Variants in DHX36 observed in about 807,000 individuals in gnomAD.
The protein encoded by DHX36 is DEAH-box helicase 36, also known as ATP-dependent DNA/RNA helicase DHX36.
DHX36 carries 50 observed loss-of-function variants against 139.0 expected under a neutral mutation model. The observed-to-expected ratio is 0.36, with a 90% CI of 0.29 to 0.46. The LOEUF is 0.46. Ranked by LOEUF, DHX36 falls within the 20% of genes least tolerant of loss-of-function variation. The probability of loss-of-function intolerance (pLI) is 1.00; values close to 1 mark genes in which losing one functional copy is unlikely to be tolerated. For missense variants in DHX36, 1,024 were observed against 1,211.3 expected, an observed-to-expected ratio of 0.85 and a Z score of 2.29; for synonymous variants, 425 against 401.9, an observed-to-expected ratio of 1.06 and a Z score of -0.69.
intron 12 of DHX36, among the ~76,000 whole-genome samples, chr3:154,296,502 C>A (rs1712056290): frequency 6.9e-6 from 1 of 145,318 alleles, no homozygotes; most frequent in Non-Finnish European, 1.6e-5. Context: ...AATAATAATA[C>A]ATTCCAAAAG....
intron 1 of DHX36, among the ~76,000 whole-genome samples, chr3:154,320,403 C>T (rs1432818541): frequency 6.6e-6 from 1 of 151,540 alleles, no homozygotes; most frequent in African/African-American, 2.4e-5. Context: ...GATTCCTATG[C>T]ACATTCAAGT....
intron 16 of DHX36, 86 bp downstream of exon 16, chr3:154,289,623 G>C (rs1711702400): frequency 2.6e-6 from 2 of 777,982 alleles, no homozygotes; most frequent in Non-Finnish European, 4.3e-6. Context: ...TTGTTTCTTG[G>C]AGATTAATAC....
At position 154,280,612 on chromosome 3, in the gene DHX36, T is replaced by C; in HGVS notation, c.2534A>G (p.Lys845Arg). The C allele has an allele frequency of 6.2e-7, 1 of 1,612,834 alleles. No individual in the cohort carries two copies. The highest frequency in any genetic ancestry group is 8.5e-7 in the Non-Finnish European group (1 of 1,179,576). Residue 845 changes from lysine (K) to arginine (R), a missense_variant, in exon 22 of 25, where the codon AAA (lysine) becomes AGA (arginine). By Grantham distance (26) the Lys-to-Arg change is conservative. Around this residue, in one of 4 missense-constraint regions of DHX36, gnomAD observed 470 missense variants for 616.2 expected, o/e 0.76. Coordinates refer to ENST00000496811, the MANE Select transcript of DHX36 (RefSeq NM_020865.3). ...TTTTTTACCCAAATTTAGTCGAATT[T>C]TAGCAACTTTGGGATATAAACCAGC... ...ICAGLYPKVA[K>R]IRLNLGKKRK...
chr3:154,308,196 A>G (rs1228866164), intron 5 of DHX36, among the ~76,000 whole-genome samples: 6 of 152,170 alleles, frequency 3.9e-5, no homozygotes, highest in Non-Finnish European at 5.9e-5. Context: ...ACAAAATTGC[A>G]CTTGTATCCC....
chr3:154,280,744 A>T lies in DHX36; in HGVS notation c.2476+19T>A. On this transcript the variant is annotated intron_variant, in intron 21 of 24. Transcript: ENST00000496811. Reference sequence around the variant, plus strand: ...CAATAGACAAAAGATACTTATTTACACTGTGTTTCCTGCTGTACCTGAATT... The same window carrying T: ...CAATAGACAAAAGATACTTATTTACTCTGTGTTTCCTGCTGTACCTGAATT... 6.2e-7 allele frequency: 1 copy of T among 1,609,134 alleles called. No individual in the cohort carries two copies. The highest frequency in any genetic ancestry group is 1.3e-5 in the African/African-American group (1 of 74,908).
Position 154,324,486 on chromosome 3 carries a change from G to C in DHX36, c.-70C>G, listed in dbSNP as rs968910357. ...ATGGCGTCCGGGCCCGGAAGCCACT[G>C]TGCGCCCACTTCCGTTTTGCTTCCG... On this transcript the variant is annotated 5_prime_UTR_variant, in exon 1 of 25. Transcript: ENST00000496811. 2.1e-6 allele frequency: 3 copies of C among 1,428,586 alleles called. No homozygotes were observed. The highest frequency in any genetic ancestry group is 2.7e-6 in the Non-Finnish European group (3 of 1,094,886). 88.5% of individuals were successfully genotyped at this position (1,428,586 alleles called of 1,614,324 possible).
chr3:154,278,161 A>G (rs1256214023), intron 22 of DHX36, among the ~76,000 whole-genome samples: 1 of 152,162 alleles, frequency 6.6e-6, no homozygotes. Flanking sequence ...CCCTTGATTT[A>G]CAAAATAACT....
intron 6 of DHX36, 132 bp downstream of exon 6, chr3:154,306,084 T>A (rs935771660): frequency 3.1e-6 from 2 of 638,152 alleles, no homozygotes; most frequent in Non-Finnish European, 5.4e-6. Flanking sequence ...TCATCTACGC[T>A]GCAGTTACTT....
intron 16 of DHX36, among the ~76,000 whole-genome samples, 172 bp downstream of exon 16, chr3:154,289,537 T>C (rs1450196862): frequency 6.6e-6 from 1 of 152,202 alleles, no homozygotes; most frequent in Non-Finnish European, 1.5e-5. Flanking sequence ...AATTTAAAAG[T>C]GTTGAATATA....
chr3:154,280,409 A>G (rs1719295065), intron 22 of DHX36, 170 bp downstream of exon 22: 1 of 570,880 alleles, frequency 1.8e-6, no homozygotes. Flanking sequence ...TGTGAGGGAA[A>G]GTGATACCAA....
chr3:154,281,413 T>C (rs1208727723), intron 20 of DHX36, among the ~76,000 whole-genome samples: 2 of 151,974 alleles, frequency 1.3e-5, no homozygotes, highest in African/African-American at 2.4e-5. Flanking sequence ...AGCATTCAAG[T>C]AACATAGAAA....
Position 154,292,535 on chromosome 3 carries a change from A to C in DHX36, c.1814+16T>G. The C allele has an allele frequency of 1.2e-6, 2 of 1,613,964 alleles. No homozygotes were observed. The highest frequency in any genetic ancestry group is 1.7e-6 in the Non-Finnish European group (2 of 1,179,954). On this transcript the variant is annotated intron_variant, in intron 15 of 24. Transcript: ENST00000496811. ...TTTGTGTGTTCTAAAAGCTTTGGAC[A>C]GAGTTCCCACCTTACCTTCCAGCTC...
intron 9 of DHX36, among the ~76,000 whole-genome samples, chr3:154,301,584 C>T (rs1389013194): frequency 6.6e-6 from 1 of 152,018 alleles, no homozygotes; most frequent in Non-Finnish European, 1.5e-5. Context: ...TTAATTAGTG[C>T]CTGCAGGAGA....
Position 154,275,225 on chromosome 3 carries a change from C to T in DHX36, c.*946G>A, listed in dbSNP as rs1163481970. The T allele has an allele frequency of 6.6e-6, 1 of 152,128 alleles. No individual in the cohort carries two copies. Among genetic ancestry groups the T allele is most frequent in the Admixed American group, 6.5e-5 (1 of 15,270 alleles). 9.4% of individuals were successfully genotyped at this position (152,128 alleles called of 1,614,324 possible). On this transcript the variant is annotated 3_prime_UTR_variant, in exon 25 of 25. Transcript: ENST00000496811. Reference sequence around the variant, plus strand: ...GCGTAGTATTTGCATGTTACCTAGGCACAACCTCCCATATTCTTTAAGTCA... The same window carrying T: ...GCGTAGTATTTGCATGTTACCTAGGTACAACCTCCCATATTCTTTAAGTCA...
chr3:154,280,419 A>G, intron 22 of DHX36, 160 bp downstream of exon 22: 1 of 583,938 alleles, frequency 1.7e-6, no homozygotes, highest in East Asian at 2.9e-5. Flanking sequence ...AGTGATACCA[A>G]TGGCTAAACA....
At chr3:154,278,922 C>T (rs1719243524) in intron 22 of DHX36, 1 of 152,118 alleles carries the variant, frequency 6.6e-6, no homozygotes, top group Non-Finnish European at 1.5e-5. Context: ...ATCCTGCCAC[C>T]CTGCATAACT....
chr3:154,310,764 C>T (rs1231670840), intron 4 of DHX36, among the ~76,000 whole-genome samples: 1 of 94,180 alleles, frequency 1.1e-5, no homozygotes, highest in Non-Finnish European at 2.0e-5. Context: ...GGCAACAGAG[C>T]AAGACTCCCT....
At chr3:154,310,518 C>T (rs1576878051) in intron 4 of DHX36, among the ~76,000 whole-genome samples, 1 of 151,442 alleles carries the variant, frequency 6.6e-6, no homozygotes, top group Non-Finnish European at 1.5e-5. Flanking sequence ...CATGGTGGCT[C>T]ATGCCTATAA....
chr3:154,316,250 G>A, intron 1 of DHX36, 87 bp from the exon 2 acceptor site: 3 of 1,528,234 alleles, frequency 2.0e-6, no homozygotes, highest in South Asian at 1.2e-5. Context: ...TAAAGGCTAA[G>A]TAATATATGT....
Sources: allele counts gnomAD v4.1 joint callset (sites outside exome capture counted in the v4.1 genomes callset), GRCh38; gene constraint gnomAD v4.1.1; regional missense constraint gnomAD v4.1.1; transcripts MANE v1.5; gene names NCBI Gene and HGNC (gene_info 2026-07-23, HGNC 2026-07-21).